TMPRSS6: variants seen among roughly 807,000 people sequenced by gnomAD.
TMPRSS6 encodes the protein transmembrane protease serine 6.
Under a neutral mutation model 101.5 loss-of-function variants are expected in TMPRSS6, and 67 were observed. The ratio of observed to expected loss-of-function variants is 0.66; its 90% confidence interval spans 0.54 to 0.81. The LOEUF (loss-of-function observed/expected upper bound fraction) is 0.81. Among genes scored for constraint, TMPRSS6 ranks in the 30% least tolerant of loss-of-function variants. The pLI is 0.00. For missense variants in TMPRSS6, 1,034 were observed against 1,088.7 expected (o/e 0.95, Z 0.71); for synonymous variants, 453 against 464.9 (o/e 0.97, Z 0.33).
chr22:37,099,911 TCAC>T (rs755775877), intron 2 of TMPRSS6, among the ~76,000 whole-genome samples: 1 of 152,176 alleles, frequency 6.6e-6, no homozygotes, highest in Non-Finnish European at 1.5e-5. Context: ...ACTCGGGCTT[TCAC>T]CCTGGGTAAG....
In TMPRSS6 at chr22:37,070,823, C is replaced by A. The variant is rs186274428; in HGVS notation, c.1672+93G>T. On this transcript the variant is annotated intron_variant, in intron 14 of 17. Transcript: ENST00000676104. ...GGCAGAGGATGAGATAGAGAGAGACCAGGGGACAACAGTGAGATTTCCCTC... is the reference window on the plus strand; with the variant it reads ...GGCAGAGGATGAGATAGAGAGAGACAAGGGGACAACAGTGAGATTTCCCTC... The A allele has an allele frequency of 1.5e-4, 203 of 1,389,442 alleles. No individual in the cohort carries two copies. The East Asian group carries it at 4.6e-3, about 31-fold the overall frequency. 86.1% of individuals were successfully genotyped at this position (1,389,442 alleles called of 1,614,324 possible). A position where few individuals can be genotyped will look rare whatever the true frequency, so the allele number is the denominator to read the frequency against.
chr22:37,069,009 A>G lies in TMPRSS6; in HGVS notation c.2113+64T>C. 2 of 1,526,914 alleles carry G rather than the reference A, an allele frequency of 1.3e-6. No homozygotes were observed. Among genetic ancestry groups the G allele is most frequent in the Admixed American group, 2.0e-5 (1 of 50,350 alleles). The allele number at this position is 1,526,914 out of a possible 1,614,324, so 94.6% of individuals were successfully genotyped here. A position where few individuals can be genotyped will look rare whatever the true frequency, so the allele number is the denominator to read the frequency against. Reference sequence around the variant, plus strand: ...CCCCAGCCCCGCCCTTCTCCAGGCCAGGTGTTACGGCGCAGATCCGCACGG... The same window carrying G: ...CCCCAGCCCCGCCCTTCTCCAGGCCGGGTGTTACGGCGCAGATCCGCACGG... On this transcript the variant is annotated intron_variant, in intron 16 of 17. Transcript: ENST00000676104. The surrounding 1 kb of genome is among the most constrained non-coding windows in gnomAD (Gnocchi z 4.8).
chr22:37,077,541 G>A (rs1189177083), intron 10 of TMPRSS6, among the ~76,000 whole-genome samples: 1 of 152,182 alleles, frequency 6.6e-6, no homozygotes, highest in Non-Finnish European at 1.5e-5. Context: ...CTCTCATAAG[G>A]TGACAGGCGA....
intron 6 of TMPRSS6, among the ~76,000 whole-genome samples, chr22:37,092,278 C>T (rs369268802): frequency 2.7e-4 from 41 of 152,074 alleles, no homozygotes; most frequent in African/African-American, 9.4e-4. Flanking sequence ...TTCTTCTTCT[C>T]GCCCTGACAA....
In TMPRSS6 at chr22:37,070,574, C is replaced by T. The variant is rs1926798827; in HGVS notation, c.1751G>A (p.Ser584Asn). 8 of 1,613,268 alleles carry T rather than the reference C, an allele frequency of 5.0e-6. No individual in the cohort carries two copies. The highest frequency in any genetic ancestry group is 5.9e-6 in the Non-Finnish European group (7 of 1,180,026). Residue 584 changes from serine (S) to asparagine (N), a missense_variant, in exon 15 of 18, where the codon AGC (serine) becomes AAC (asparagine). By Grantham distance (46) the Ser-to-Asn change is conservative. Coordinates refer to ENST00000676104, the MANE Select transcript of TMPRSS6 (RefSeq NM_001374504.1). ...GATGTGTCGACCCCGAACCTGGAGG[C>T]TGGCCTGCCATGGCCACTCACCCTC... ...SSEGEWPWQA[S>N]LQVRGRHICG...
In TMPRSS6 at chr22:37,095,996, C is replaced by A. The variant is rs780312845; in HGVS notation, c.499G>T (p.Val167Leu). Residue 167 changes from valine to leucine, a missense_variant, in exon 5 of 18, where the codon GTG becomes TTG. Physicochemically the swap from Val to Leu is conservative, Grantham distance 32. Transcript: ENST00000676104. ...TTGACTGTGGACAGCAGCTCCTCCA[C>A]CAGCAGTGCCTGCACCACCTCGGGG... ...LSPEVVQALLVEELLSTVNSS... is the reference protein window; with the variant it reads ...LSPEVVQALLLEELLSTVNSS... The A allele has an allele frequency of 4.3e-6, 7 of 1,614,212 alleles. No individual in the cohort carries two copies. In the East Asian group the frequency reaches 1.6e-4, roughly 36 times the overall value.
intron 13 of TMPRSS6, among the ~76,000 whole-genome samples, chr22:37,072,481 G>GGATC (rs1255420561): frequency 1.8e-4 from 24 of 130,096 alleles, no homozygotes; most frequent in Non-Finnish European, 3.0e-4. Flanking sequence ...ATGGATGGAT[G>GGATC]GATGATGGAT....
chr22:37,072,978 TGATG>T (rs1201132465), intron 13 of TMPRSS6, among the ~76,000 whole-genome samples: 1 of 141,316 alleles, frequency 7.1e-6, no homozygotes, highest in African/African-American at 2.7e-5. Flanking sequence ...GGTGGAAGGA[TGATG>T]GATGGATAGA....
rs895357050 is a variant in TMPRSS6, at chr22:37,095,852, T to C, written c.589+54A>G. ...CAGCCTCCCCGGGCCACACCACAGC[T>C]TGTTTCCCCCAACCTCATGAGGCCA... On this transcript the variant is annotated intron_variant, in intron 5 of 17. Transcript: ENST00000676104. 1.9e-5 allele frequency: 30 copies of C among 1,607,018 alleles called. 1 individual carries two copies. Among genetic ancestry groups the C allele is most frequent in the Middle Eastern group, 1.6e-4 (1 of 6,062 alleles).
At chr22:37,068,793 CT>C in intron 16 of TMPRSS6, 1 of 716,880 alleles carries the variant, frequency 1.4e-6, no homozygotes, top group Non-Finnish European at 2.5e-6. Flanking sequence ...GCAGGTGGAG[CT>C]TGCACGTGGG....
intron 6 of TMPRSS6, among the ~76,000 whole-genome samples, chr22:37,092,839 C>T (rs970290788): frequency 2.0e-5 from 3 of 152,222 alleles, no homozygotes; most frequent in African/African-American, 7.2e-5. Flanking sequence ...TTCCAGGATC[C>T]CCCAGTCAGG....
At position 37,069,103 on chromosome 22, in the gene TMPRSS6, T is replaced by C; in HGVS notation, c.2083A>G (p.Ile695Val). The C allele has an allele frequency of 6.4e-7, 1 of 1,555,016 alleles. No homozygotes were observed. The highest frequency in any genetic ancestry group is 8.7e-7 in the Non-Finnish European group (1 of 1,153,950). ...TCGCGCAAGGCGCCCCAGCCCGTAATCCAGCAGTGCAGGCCGGGCTCGAAG... is the reference window on the plus strand; with the variant it reads ...TCGCGCAAGGCGCCCCAGCCCGTAACCCAGCAGTGCAGGCCGGGCTCGAAG... The part of the protein sequence containing the change: ...HFFEPGLHCW[I>V]TGWGALREGG... Residue 695 changes from isoleucine to valine, a missense_variant, in exon 16 of 18, where the codon ATT (isoleucine) becomes GTT (valine). Transcript: ENST00000676104. This position sits in a 1 kb window ranked among gnomAD's most constrained non-coding sequence, Gnocchi z 4.8.
Position 37,103,477 on chromosome 22 carries a change from T to G in TMPRSS6, c.-1-59A>C. ...CTCGCATTTGCAAGGGAGCCTCTGCTGAGCACCGGTGGGGCACGGAAGCAG... is the reference window on the plus strand; with the variant it reads ...CTCGCATTTGCAAGGGAGCCTCTGCGGAGCACCGGTGGGGCACGGAAGCAG... On this transcript the variant is annotated intron_variant, in intron 1 of 17. Coordinates refer to ENST00000676104, the MANE Select transcript of TMPRSS6 (RefSeq NM_001374504.1). This position sits in a 1 kb window ranked among gnomAD's most constrained non-coding sequence, Gnocchi z 4.4. 6.2e-7 allele frequency: 1 copy of G among 1,614,194 alleles called. No individual in the cohort carries two copies. Among genetic ancestry groups the G allele is most frequent in the Non-Finnish European group, 8.5e-7 (1 of 1,180,028 alleles).
chr22:37,096,390 A>G (rs552753278), intron 4 of TMPRSS6, among the ~76,000 whole-genome samples: 85 of 152,330 alleles, frequency 5.6e-4, no homozygotes, highest in African/African-American at 1.9e-3. Flanking sequence ...CCCCTCCAAC[A>G]TCGCCTCGCC....
chr22:37,071,393 T>C (rs948402758), intron 13 of TMPRSS6, among the ~76,000 whole-genome samples: 13 of 152,164 alleles, frequency 8.5e-5, no homozygotes, highest in African/African-American at 3.1e-4. Context: ...CCCTGCCCGG[T>C]TGTCCACATT....
intron 10 of TMPRSS6, 164 bp downstream of exon 10, chr22:37,084,131 G>A (rs1928481491): frequency 1.5e-6 from 1 of 688,724 alleles, no homozygotes; most frequent in South Asian, 1.7e-5. Context: ...CGAGGACAAG[G>A]TCAAGGGCAA....
rs117510504 is a variant in TMPRSS6, at chr22:37,070,111, C to T, written c.1841+373G>A. Among the ~76,000 whole-genome samples, 186 of 152,290 alleles carry T rather than the reference C, an allele frequency of 1.2e-3. 4 individuals carry two copies. The East Asian group carries it at 0.024, about 20-fold the overall frequency. On this transcript the variant is annotated intron_variant, in intron 15 of 17. Transcript: ENST00000676104. ...CAGCCCCACCTGCTACCTCGTGTCA[C>T]ACCTCGGGGAGTGTCATAGCTTATG...
chr22:37,090,188 G>A (rs559158902), intron 6 of TMPRSS6, among the ~76,000 whole-genome samples: 29 of 152,334 alleles, frequency 1.9e-4, no homozygotes, highest in Admixed American at 1.4e-3. Context: ...AGGCTGGGGC[G>A]AGCCGGGCAG....
intron 2 of TMPRSS6, among the ~76,000 whole-genome samples, chr22:37,099,297 G>A (rs977464831): frequency 6.6e-6 from 1 of 152,244 alleles, no homozygotes; most frequent in Non-Finnish European, 1.5e-5. Context: ...GACCCGGGCT[G>A]AAAGCCTGTT....
Sources: allele counts gnomAD v4.1 joint callset (sites outside exome capture counted in the v4.1 genomes callset), GRCh38; gene constraint gnomAD v4.1.1; non-coding constraint Gnocchi (gnomAD v3.1); transcripts MANE v1.5; gene names NCBI Gene and HGNC (gene_info 2026-07-23, HGNC 2026-07-21).